The following SYCE1L variants were observed in gnomAD, a reference collection of about 807,000 sequenced individuals.
The protein encoded by SYCE1L is synaptonemal complex central element protein 1-like.
A neutral mutation model predicts 39.6 loss-of-function variants in SYCE1L; 51 were observed. That is an observed-to-expected ratio of 1.29 (90% CI 1.03 to 1.63). The LOEUF (loss-of-function observed/expected upper bound fraction) is 1.63, where lower values mean the gene tolerates loss of function less well. Among genes scored for constraint, SYCE1L ranks in the 40% most tolerant of loss-of-function variants. The probability of loss-of-function intolerance (pLI) is 0.00; values close to 1 mark genes in which losing one functional copy is unlikely to be tolerated. For synonymous variants in SYCE1L, 147 were observed against 122.4 expected, an observed-to-expected ratio of 1.20 and a Z score of -1.33; for missense variants, 426 against 304.9, an observed-to-expected ratio of 1.40 and a Z score of -2.96.
chr16:77,208,565 A>G lies in SYCE1L; in HGVS notation c.256+26A>G, dbSNP rs73632739. 0.013 allele frequency: 19,784 copies of G among 1,550,420 alleles called. 1,341 individuals are homozygous for G. The African/African-American group carries it at 0.18, about 14-fold the overall frequency. ...GTAAGTGGGGCCAAAAGAGGGACCC[A>G]TCAACACTGCAGATGTTCCTGTGCA... On this transcript the variant is annotated intron_variant, in intron 4 of 10. Transcript: ENST00000378644.
chr16:77,208,113 G>T (rs985133826), intron 2 of SYCE1L, 97 bp from the exon 3 acceptor site: 2 of 1,251,552 alleles, frequency 1.6e-6, no homozygotes, highest in Non-Finnish European at 2.2e-6. Context: ...ATATATGCCG[G>T]TTAATTGATA....
chr16:77,203,740 G>A (rs112762353), intron 1 of SYCE1L, among the ~76,000 whole-genome samples: 537 of 152,040 alleles, frequency 3.5e-3, no homozygotes, highest in African/African-American at 0.011. Flanking sequence ...GATTACAGGC[G>A]TGCATCAACA....
chr16:77,200,156 A>AC (rs2054716416), intron 1 of SYCE1L: 1 of 150,462 alleles, frequency 6.6e-6, no homozygotes, highest in African/African-American at 2.4e-5. Flanking sequence ...ATGGTGAAAC[A>AC]CCATCTCTAC....
At chr16:77,210,933 C>T (rs942251719) in intron 6 of SYCE1L, among the ~76,000 whole-genome samples, 2 of 152,204 alleles carry the variant, frequency 1.3e-5, no homozygotes, top group African/African-American at 4.8e-5. Flanking sequence ...CAAATTTTTG[C>T]CCATAATTCT....
chr16:77,209,436 G>A lies in SYCE1L; in HGVS notation c.324G>A (p.Gln108=). The part of the protein sequence containing the change: ...GKKQEALRIL[Q]MHCQEKESEA... ...CCACAGAGGCACTGAGGATCCTCCAGATGCACTGCCAAGAGAAGGAAAGCG... is the reference window on the plus strand; with the variant it reads ...CCACAGAGGCACTGAGGATCCTCCAAATGCACTGCCAAGAGAAGGAAAGCG... The change falls in exon 6 of 11, where the codon CAG becomes CAA. Residue 108 remains glutamine (Q), a synonymous_variant. Transcript: ENST00000378644. The A allele has an allele frequency of 1.3e-6, 2 of 1,551,720 alleles. No homozygotes were observed. The highest frequency in any genetic ancestry group is 1.4e-5 in the African/African-American group (1 of 73,180).
Position 77,212,293 on chromosome 16 carries a change from C to G in SYCE1L, c.505C>G (p.Arg169Gly). The change falls in exon 9 of 11, where the codon CGC (arginine) becomes GGC (glycine). Residue 169 changes from arginine (R) to glycine (G), a missense_variant. Physicochemically the swap from Arg to Gly is moderately radical, Grantham distance 125. Transcript: ENST00000378644. ...CCGCCCACCGACAGGGAGGCTGGTG[C>G]GCGCCAAGCTGCGGGAGGTGGAGCG... ...EQLLSERRLV[R>G]AKLREVERRL... The G allele has an allele frequency of 6.6e-7, 1 of 1,521,382 alleles. No homozygotes were observed. The allele number at this position is 1,521,382 out of a possible 1,614,324, so 94.2% of individuals were successfully genotyped here.
chr16:77,211,275 A>C lies in SYCE1L; in HGVS notation c.422A>C (p.His141Pro), dbSNP rs1597038777. The change falls in exon 7 of 11, where the codon CAC becomes CCC. Residue 141 changes from histidine to proline, a missense_variant and splice_region_variant. By Grantham distance (77) the His-to-Pro change is moderately conservative. Transcript: ENST00000378644. Reference sequence around the variant, plus strand: ...CAGCACAAGGACCTCTGGGAATTCCACGTGAGCCATTATCATTGCCTGCAA... The same window carrying C: ...CAGCACAAGGACCTCTGGGAATTCCCCGTGAGCCATTATCATTGCCTGCAA... ...MGQHKDLWEF[H>P]MLEQRLAREI... 6.4e-7 allele frequency: 1 copy of C among 1,551,872 alleles called. No homozygotes were observed. The highest frequency in any genetic ancestry group is 8.7e-7 in the Non-Finnish European group (1 of 1,147,028).
chr16:77,211,153 G>A, intron 6 of SYCE1L, 60 bp from the exon 7 acceptor site: 9 of 1,534,554 alleles, frequency 5.9e-6, no homozygotes, highest in Non-Finnish European at 8.0e-6. Context: ...TGCATGAGGA[G>A]CCCCCAACAG....
intron 6 of SYCE1L, among the ~76,000 whole-genome samples, chr16:77,210,032 C>A (rs867231675): frequency 6.6e-6 from 1 of 152,204 alleles, no homozygotes; most frequent in African/African-American, 2.4e-5. Context: ...TTTTAGCAAT[C>A]CTTTCTTTCT....
chr16:77,205,044 C>T (rs61024035), intron 1 of SYCE1L, among the ~76,000 whole-genome samples: 47,003 of 123,330 alleles, frequency 0.38, 8,360 homozygotes, highest in Admixed American at 0.51. Flanking sequence ...GACTCCATCT[C>T]AAAAAAAAAA....
chr16:77,208,361 C>T, intron 3 of SYCE1L, 92 bp downstream of exon 3: 1 of 1,537,730 alleles, frequency 6.5e-7, no homozygotes, highest in Non-Finnish European at 8.8e-7. Flanking sequence ...AAATCTAGGC[C>T]CCTCTAGGGT....
intron 6 of SYCE1L, 82 bp downstream of exon 6, chr16:77,209,553 G>A: frequency 6.9e-7 from 1 of 1,447,386 alleles, no homozygotes; most frequent in Admixed American, 2.0e-5. Context: ...AATGAATCTT[G>A]GACACAGAAG....
intron 6 of SYCE1L, 74 bp downstream of exon 6, chr16:77,209,545 T>C (rs2054808804): frequency 6.7e-7 from 1 of 1,502,770 alleles, no homozygotes; most frequent in Non-Finnish European, 9.0e-7. Flanking sequence ...GCTGTGGAAA[T>C]GAATCTTGGA....
At chr16:77,201,472 G>C (rs2054741873) in intron 1 of SYCE1L, 1 of 152,172 alleles carries the variant, frequency 6.6e-6, no homozygotes, top group Admixed American at 6.5e-5. Context: ...TGGTATTGAC[G>C]ACCTTGTAGA....
At chr16:77,202,678 T>C (rs1354698710) in intron 1 of SYCE1L, among the ~76,000 whole-genome samples, 1 of 152,184 alleles carries the variant, frequency 6.6e-6, no homozygotes, top group Non-Finnish European at 1.5e-5. Context: ...GTTGTGATTA[T>C]AGGATTGGGG....
chr16:77,211,066 C>A (rs538857177), intron 6 of SYCE1L, 147 bp from the exon 7 acceptor site: 6 of 815,166 alleles, frequency 7.4e-6, no homozygotes, highest in Non-Finnish European at 1.2e-5. Flanking sequence ...AGAGGTGCTA[C>A]GGGAACCAAA....
At chr16:77,201,782 T>G (rs1479536598) in intron 1 of SYCE1L, 2 of 151,952 alleles carry the variant, frequency 1.3e-5, no homozygotes, top group Non-Finnish European at 2.9e-5. Context: ...CTAATTTAAA[T>G]GTATTAAATT....
intron 4 of SYCE1L, 124 bp from the exon 5 acceptor site, chr16:77,208,973 A>G: frequency 9.6e-7 from 1 of 1,046,962 alleles, no homozygotes; most frequent in Non-Finnish European, 1.4e-6. Flanking sequence ...CAAGGGTGGC[A>G]AGAAGATACC....
At chr16:77,204,083 GAAA>G (rs768587240) in intron 1 of SYCE1L, among the ~76,000 whole-genome samples, 4 of 151,306 alleles carry the variant, frequency 2.6e-5, no homozygotes, top group Non-Finnish European at 5.9e-5. Flanking sequence ...AAAAAAAAAA[GAAA>G]AAGATTAAAA....
Sources: allele counts gnomAD v4.1 joint callset (sites outside exome capture counted in the v4.1 genomes callset), GRCh38; gene constraint gnomAD v4.1.1; transcripts MANE v1.5; gene names NCBI Gene and HGNC (gene_info 2026-07-23, HGNC 2026-07-21).